Variants in FAM217A observed in about 807,000 individuals in gnomAD.
FAM217A encodes family with sequence similarity 217 member A.
A neutral mutation model predicts 18.5 loss-of-function variants in FAM217A; 13 were observed. That is an observed-to-expected ratio of 0.70 (90% CI 0.46 to 1.12). FAM217A has a LOEUF of 1.12. Among genes scored for constraint, FAM217A ranks in the 50% most tolerant of loss-of-function variants. The pLI, the probability that FAM217A is intolerant of heterozygous loss-of-function variation, is 0.00. For synonymous variants in FAM217A, 161 were observed against 202.8 expected (o/e 0.79, Z 1.75); for missense variants, 560 against 575.4 (o/e 0.97, Z 0.27).
chr6:4,069,476 A>G lies in FAM217A; in HGVS notation c.747T>C (p.Pro249=), dbSNP rs763066864. The part of the protein sequence containing the change: ...TEEPNEVFPY[P]DFLPPPFSAL... ...CACTGAAAGGAGGAGGGAGAAAATC[A>G]GGATATGGAAATACTTCATTTGGCT... Residue 249 remains proline (P), a synonymous_variant, in exon 7 of 7, where the codon CCT becomes CCC. Transcript: ENST00000274673. 1.2e-6 allele frequency: 2 copies of G among 1,614,200 alleles called. No homozygotes were observed. Among genetic ancestry groups the G allele is most frequent in the Non-Finnish European group, 1.7e-6 (2 of 1,180,020 alleles).
upstream of FAM217A, among the ~76,000 whole-genome samples, chr6:4,082,393 C>G (rs939890906): frequency 6.6e-6 from 1 of 152,204 alleles, no homozygotes; most frequent in Non-Finnish European, 1.5e-5. Flanking sequence ...CTTCTGCCCT[C>G]CTGTCTCTCA....
At chr6:4,084,367 A>C (rs1770503691) in intron 2 of FAM217A, among the ~76,000 whole-genome samples, 1 of 152,216 alleles carries the variant, frequency 6.6e-6, no homozygotes, top group Non-Finnish European at 1.5e-5. Flanking sequence ...ACTGAATTTC[A>C]CATCTGCGTA....
chr6:4,079,541 C>G (rs1561929235), upstream of FAM217A: 1 of 1,152,610 alleles, frequency 8.7e-7, no homozygotes, highest in Admixed American at 2.5e-5. Context: ...TTCCCCGAGG[C>G]CTCCAGGCCC....
chr6:4,070,900 T>C (rs1028347660), intron 6 of FAM217A, among the ~76,000 whole-genome samples: 3 of 151,784 alleles, frequency 2.0e-5, no homozygotes, highest in African/African-American at 7.3e-5. Flanking sequence ...GGAGGCTGAG[T>C]TGGGAAGACT....
In FAM217A at chr6:4,068,826, A is replaced by G; in HGVS notation, c.1397T>C (p.Phe466Ser). The change falls in exon 7 of 7, where the codon TTT (phenylalanine) becomes TCT (serine). Residue 466 changes from phenylalanine (F) to serine (S), a missense_variant. Coordinates refer to ENST00000274673, the MANE Select transcript of FAM217A (RefSeq NM_173563.3). ...TCGGTAAAGTTTCTTTTTGGTCCCAAAGTTTCTCTTCGGTGCCTTAATTTC... is the reference window on the plus strand; with the variant it reads ...TCGGTAAAGTTTCTTTTTGGTCCCAGAGTTTCTCTTCGGTGCCTTAATTTC... The part of the protein sequence containing the change: ...KEEIKAPKRN[F>S]GTKKKLYRQN... 2 of 1,614,158 alleles carry G rather than the reference A, an allele frequency of 1.2e-6. No individual in the cohort carries two copies. Among genetic ancestry groups the G allele is most frequent in the Non-Finnish European group, 1.7e-6 (2 of 1,180,010 alleles).
upstream of FAM217A, among the ~76,000 whole-genome samples, chr6:4,083,706 C>T (rs1770457413): frequency 1.3e-5 from 2 of 152,056 alleles, no homozygotes; most frequent in Non-Finnish European, 2.9e-5. Flanking sequence ...CGCATGCCAC[C>T]ACGCCTGGCT....
chr6:4,069,368 G>C lies in FAM217A; in HGVS notation c.855C>G (p.His285Gln), dbSNP rs766177907. The change falls in exon 7 of 7, where the codon CAC becomes CAG. Residue 285 changes from histidine to glutamine, a missense_variant. His to Gln is a conservative substitution (Grantham distance 24). Coordinates refer to ENST00000274673, the MANE Select transcript of FAM217A (RefSeq NM_173563.3). ...TVDPAETSVEHLITRLLELER... is the reference protein window; with the variant it reads ...TVDPAETSVEQLITRLLELER... The stretch of plus-strand genomic sequence containing the variant: ...CTAGTTCCAGTAAACGAGTTATCAA[G>C]TGTTCAACAGAGGTTTCTGCAGGGT... 8 of 1,613,976 alleles carry C rather than the reference G, an allele frequency of 5.0e-6. No individual in the cohort carries two copies. In the African/African-American group the frequency reaches 8.0e-5, roughly 16 times the overall value.
intron 1 of FAM217A, chr6:4,084,913 A>G: frequency 1.6e-6 from 1 of 637,140 alleles, no homozygotes; most frequent in Non-Finnish European, 2.8e-6. Flanking sequence ...GCGCTGCGGG[A>G]TCAATTTTAG....
In FAM217A at chr6:4,069,302, T is replaced by G; in HGVS notation, c.921A>C (p.Arg307Ser). 1 of 1,614,096 alleles carries G rather than the reference T, an allele frequency of 6.2e-7. No homozygotes were observed. The highest frequency in any genetic ancestry group is 8.5e-7 in the Non-Finnish European group (1 of 1,180,008). The part of the protein sequence containing the change: ...QHMTIQKERP[R>S]LQTTFCTPAV... The stretch of plus-strand genomic sequence containing the variant: ...CTGGAGTACAGAAAGTCGTTTGTAG[T>G]CTTGGCCTCTCTTTTTGAATAGTCA... Residue 307 changes from arginine (R) to serine (S), a missense_variant, in exon 7 of 7, where the codon AGA becomes AGC. Transcript: ENST00000274673.
intron 6 of FAM217A, 54 bp downstream of exon 6, chr6:4,073,221 G>A: frequency 7.8e-7 from 1 of 1,289,902 alleles, no homozygotes; most frequent in Non-Finnish European, 1.1e-6. Flanking sequence ...TATCTCATGT[G>A]TATCTAAATT....
intron 6 of FAM217A, among the ~76,000 whole-genome samples, chr6:4,072,281 A>G (rs1665375904): frequency 6.6e-6 from 1 of 151,982 alleles, no homozygotes; most frequent in Non-Finnish European, 1.5e-5. Flanking sequence ...CAGAGGTTGC[A>G]GTGAGCTGAG....
exon 2 of FAM217A, chr6:4,084,773 G>C (rs1316093925): frequency 1.4e-6 from 1 of 702,968 alleles, no homozygotes; most frequent in South Asian, 1.5e-5. Flanking sequence ...ACCATGGCGA[G>C]GGGGAAGAAG....
At chr6:4,080,902 G>C (rs949006483), upstream of FAM217A, among the ~76,000 whole-genome samples, 1 of 116,116 alleles carries the variant, frequency 8.6e-6, no homozygotes, top group African/African-American at 4.1e-5. Flanking sequence ...GTAATTACTA[G>C]AAAAAATACA....
intron 6 of FAM217A, among the ~76,000 whole-genome samples, chr6:4,071,965 C>T (rs1769442669): frequency 6.6e-6 from 1 of 152,198 alleles, no homozygotes; most frequent in Non-Finnish European, 1.5e-5. Flanking sequence ...GCATTCATTT[C>T]CAAATACTAG....
In FAM217A at chr6:4,074,678, T is replaced by C; in HGVS notation, c.61-17A>G. 6.4e-7 allele frequency: 1 copy of C among 1,551,822 alleles called. No individual in the cohort carries two copies. On this transcript the variant is annotated splice_polypyrimidine_tract_variant and intron_variant, in intron 2 of 6. Transcript: ENST00000274673. ...AGATAAGTTCTAAAACAATATTTGT[T>C]TTAGGATAAACTTAACATTAAGAAA...
chr6:4,068,884 T>G lies in FAM217A; in HGVS notation c.1339A>C (p.Ile447Leu), dbSNP rs574472718. The G allele has an allele frequency of 8.1e-6, 13 of 1,614,168 alleles. No individual in the cohort carries two copies. Among genetic ancestry groups the G allele is most frequent in the Middle Eastern group, 1.6e-4 (1 of 6,062 alleles). ...PWRSPMPVSPIPLTFPENQKE... is the reference protein window; with the variant it reads ...PWRSPMPVSPLPLTFPENQKE... The stretch of plus-strand genomic sequence containing the variant: ...TGATTTTCGGGAAAAGTCAGAGGTA[T>G]AGGTGAAACTGGCATTGGAGACCTC... Residue 447 changes from isoleucine (I) to leucine (L), a missense_variant, in exon 7 of 7, where the codon ATA becomes CTA. Coordinates refer to ENST00000274673, the MANE Select transcript of FAM217A (RefSeq NM_173563.3).
upstream of FAM217A, chr6:4,079,649 G>T: frequency 4.4e-6 from 5 of 1,136,158 alleles, no homozygotes; most frequent in Non-Finnish European, 5.8e-6. Flanking sequence ...CATTCCCACC[G>T]CCTGCTCACA....
upstream of FAM217A, among the ~76,000 whole-genome samples, chr6:4,083,754 A>G (rs1189753436): frequency 6.6e-6 from 1 of 151,994 alleles, no homozygotes; most frequent in Non-Finnish European, 1.5e-5. Flanking sequence ...AGGTTTCACC[A>G]TATTGGTCAG....
chr6:4,075,016 T>C (rs1769684011), intron 2 of FAM217A, among the ~76,000 whole-genome samples: 1 of 152,244 alleles, frequency 6.6e-6, no homozygotes, highest in South Asian at 2.1e-4. Flanking sequence ...TCAAACTTTC[T>C]ATATCTGAGT....
Sources: gnomAD v4.1 joint callset for allele counts (sites outside exome capture counted in the v4.1 genomes callset) on GRCh38, gnomAD v4.1.1 for gene constraint, MANE v1.5 for transcripts, NCBI Gene and HGNC (gene_info 2026-07-23, HGNC 2026-07-21) for gene names.